Variants in SLCO1B3 observed in about 807,000 individuals in gnomAD.
The protein encoded by SLCO1B3 is liver-specific organic anion transporter 2.
A neutral mutation model predicts 71.8 loss-of-function variants in SLCO1B3; 72 were observed. The ratio of observed to expected loss-of-function variants is 1.00; its 90% CI spans 0.83 to 1.22. SLCO1B3 has a LOEUF of 1.22. Ranked by LOEUF, SLCO1B3 falls within the 50% of genes most tolerant of loss-of-function variation. The pLI, the probability that SLCO1B3 is intolerant of heterozygous loss-of-function variation, is 0.00. For missense variants in SLCO1B3, 911 were observed against 819.7 expected (o/e 1.11, Z -1.36); for synonymous variants, 298 against 278.4 (o/e 1.07, Z -0.70).
At chr12:20,824,038 C>T (rs1221145467) in intron 3 of SLCO1B3, among the ~76,000 whole-genome samples, 1 of 151,918 alleles carries the variant, frequency 6.6e-6, no homozygotes, top group African/African-American at 2.4e-5. Flanking sequence ...AATTATATTG[C>T]CATAAATTGA....
intron 3 of SLCO1B3, among the ~76,000 whole-genome samples, chr12:20,853,050 T>A (rs559531615): frequency 4.7e-4 from 71 of 152,116 alleles, no homozygotes; most frequent in Non-Finnish European, 9.4e-4. Flanking sequence ...ATTTAGTGAA[T>A]GTGATGTATT....
intron 4 of SLCO1B3, 24 bp downstream of exon 4, chr12:20,855,193 A>G (rs1313167330): frequency 7.6e-6 from 12 of 1,582,814 alleles, no homozygotes; most frequent in Non-Finnish European, 1.0e-5. Flanking sequence ...TTTCTATTTG[A>G]TAACCATACT....
chr12:20,814,610 G>T (rs1046209762), intron 2 of SLCO1B3, among the ~76,000 whole-genome samples: 1 of 152,096 alleles, frequency 6.6e-6, no homozygotes, highest in African/African-American at 2.4e-5. Context: ...GCATATTAAG[G>T]CTGGGCGCGG....
At chr12:20,902,081 T>C in intron 15 of SLCO1B3, 2 of 256,842 alleles carry the variant, frequency 7.8e-6, no homozygotes, top group Non-Finnish European at 1.5e-5. Context: ...TTTCTTTTAA[T>C]TATCTAGGAA....
chr12:20,817,841 C>T (rs992957231), intron 3 of SLCO1B3, among the ~76,000 whole-genome samples: 5 of 152,038 alleles, frequency 3.3e-5, no homozygotes, highest in East Asian at 3.9e-4. Flanking sequence ...CCGCCTGCCT[C>T]GGCCTCCGAA....
At chr12:20,813,395 A>T (rs1270593784) in intron 1 of SLCO1B3, 129 bp from the exon 2 acceptor site, 1 of 152,182 alleles carries the variant, frequency 6.6e-6, no homozygotes, top group Non-Finnish European at 1.5e-5. Flanking sequence ...GGCATGCATG[A>T]GCAGAGTGGT....
chr12:20,912,193 C>T (rs1003163007), intron 15 of SLCO1B3, among the ~76,000 whole-genome samples: 1 of 151,926 alleles, frequency 6.6e-6, no homozygotes, highest in Non-Finnish European at 1.5e-5. Context: ...GATTTTGAGA[C>T]TTTCCAATGA....
At chr12:20,903,777 G>A (rs912759245) in intron 15 of SLCO1B3, among the ~76,000 whole-genome samples, 2 of 151,996 alleles carry the variant, frequency 1.3e-5, no homozygotes, top group African/African-American at 4.8e-5. Flanking sequence ...TTCAATCCCT[G>A]GTCGTTCCCA....
At chr12:20,850,960 A>G (rs1865016338) in intron 3 of SLCO1B3, among the ~76,000 whole-genome samples, 2 of 152,240 alleles carry the variant, frequency 1.3e-5, no homozygotes, top group Admixed American at 6.5e-5. Context: ...CAACTTCACC[A>G]GCATCTGTTA....
intron 8 of SLCO1B3, among the ~76,000 whole-genome samples, chr12:20,870,429 T>C (rs1378293542): frequency 6.6e-6 from 1 of 152,216 alleles, no homozygotes; most frequent in Non-Finnish European, 1.5e-5. Flanking sequence ...ATGAAATTCT[T>C]TCTCTAAGTT....
chr12:20,836,073 C>G (rs2121152356), intron 3 of SLCO1B3, among the ~76,000 whole-genome samples: 1 of 152,284 alleles, frequency 6.6e-6, no homozygotes, highest in Non-Finnish European at 1.5e-5. Flanking sequence ...GAGAACTGCA[C>G]TTTATAAAAT....
At chr12:20,862,298 T>C in intron 6 of SLCO1B3, 114 bp from the exon 7 acceptor site, 1 of 1,209,948 alleles carries the variant, frequency 8.3e-7, no homozygotes, top group Non-Finnish European at 1.2e-6. Context: ...GAATCACTTG[T>C]AATTAGGAAA....
At chr12:20,860,009 G>A (rs1243413022) in intron 5 of SLCO1B3, among the ~76,000 whole-genome samples, 4 of 144,494 alleles carry the variant, frequency 2.8e-5, no homozygotes, top group South Asian at 4.3e-4. Context: ...AGGCTGGAGT[G>A]CAGTGGCGCG....
At chr12:20,814,383 C>T (rs1305035671) in intron 2 of SLCO1B3, among the ~76,000 whole-genome samples, 1 of 152,010 alleles carries the variant, frequency 6.6e-6, no homozygotes, top group Non-Finnish European at 1.5e-5. Flanking sequence ...ATATTAAGAA[C>T]ATTTTCTAAT....
chr12:20,811,672 G>A (rs1245795905), intron 1 of SLCO1B3, among the ~76,000 whole-genome samples: 1 of 152,104 alleles, frequency 6.6e-6, no homozygotes, highest in Non-Finnish European at 1.5e-5. Context: ...TTCTGTTCAG[G>A]GAAGAGTTGC....
chr12:20,819,198 C>T (rs1291631629), intron 3 of SLCO1B3, among the ~76,000 whole-genome samples: 1 of 152,104 alleles, frequency 6.6e-6, no homozygotes, highest in African/African-American at 2.4e-5. Context: ...ATTCTGACCA[C>T]ATTAACCATG....
intron 3 of SLCO1B3, among the ~76,000 whole-genome samples, chr12:20,820,925 G>T (rs4762788): frequency 0.53 from 80,363 of 151,720 alleles, 21,900 homozygotes; most frequent in East Asian, 0.74. Context: ...CTGGGCAGGT[G>T]GGGGAGGGGT....
At chr12:20,830,496 C>G (rs1000639618) in intron 3 of SLCO1B3, among the ~76,000 whole-genome samples, 1 of 152,030 alleles carries the variant, frequency 6.6e-6, no homozygotes, top group Admixed American at 6.6e-5. Context: ...GCATCTTGCA[C>G]TTAGTAAACT....
At chr12:20,835,121 C>T (rs544990617) in intron 3 of SLCO1B3, among the ~76,000 whole-genome samples, 89 of 152,264 alleles carry the variant, frequency 5.8e-4, no homozygotes, top group African/African-American at 2.0e-3. Flanking sequence ...CCAAGCTGTA[C>T]CTTGGCCCCT....
Sources: allele counts gnomAD v4.1 joint callset (sites outside exome capture counted in the v4.1 genomes callset), GRCh38; gene constraint gnomAD v4.1.1; transcripts MANE v1.5; gene names NCBI Gene and HGNC (gene_info 2026-07-23, HGNC 2026-07-21).